LIN9: variants seen among roughly 807,000 people sequenced by gnomAD.
The protein encoded by LIN9 is protein lin-9 homolog.
LIN9 carries 18 observed loss-of-function variants against 78.0 expected under a neutral mutation model. The ratio of observed to expected loss-of-function variants is 0.23; its 90% CI spans 0.16 to 0.34. The LOEUF is 0.34. Ranked by LOEUF, LIN9 falls within the 10% of genes least tolerant of loss-of-function variation. The probability of loss-of-function intolerance (pLI) is 1.00; values close to 1 mark genes in which losing one functional copy is unlikely to be tolerated. For synonymous variants in LIN9, 192 were observed against 215.2 expected (o/e 0.89, Z 0.94); for missense variants, 451 against 644.1 (o/e 0.70, Z 3.25).
At chr1:226,303,787 A>C (rs988763727) in intron 1 of LIN9, among the ~76,000 whole-genome samples, 2 of 152,136 alleles carry the variant, frequency 1.3e-5, no homozygotes, top group African/African-American at 2.4e-5. Flanking sequence ...TTGTATTTTT[A>C]GTAGAGACAG....
chr1:226,283,539 T>C (rs759311337), intron 6 of LIN9, among the ~76,000 whole-genome samples: 1 of 152,124 alleles, frequency 6.6e-6, no homozygotes, highest in Non-Finnish European at 1.5e-5. Context: ...GATGGATATT[T>C]CTGTACTATC....
intron 12 of LIN9, among the ~76,000 whole-genome samples, chr1:226,237,050 T>C (rs930241160): frequency 6.6e-6 from 1 of 152,210 alleles, no homozygotes; most frequent in Admixed American, 6.5e-5. Flanking sequence ...CTCTGATATG[T>C]TCTTATTTTA....
intron 1 of LIN9, among the ~76,000 whole-genome samples, chr1:226,307,968 C>G (rs1165528369): frequency 6.6e-6 from 1 of 152,180 alleles, no homozygotes; most frequent in African/African-American, 2.4e-5. Context: ...GACTTTTCAC[C>G]AGCTTGGCAA....
At chr1:226,277,164 C>T (rs1024377534) in intron 7 of LIN9, among the ~76,000 whole-genome samples, 4 of 147,506 alleles carry the variant, frequency 2.7e-5, no homozygotes, top group African/African-American at 1.0e-4. Flanking sequence ...AGCCAAGATC[C>T]AGCCTAGGTG....
intron 11 of LIN9, among the ~76,000 whole-genome samples, chr1:226,242,331 T>C (rs1160492792): frequency 2.0e-5 from 3 of 152,234 alleles, no homozygotes; most frequent in Admixed American, 6.5e-5. Flanking sequence ...TTGTATATAG[T>C]AAAGCTGGCC....
chr1:226,251,477 C>T (rs1005632852), intron 10 of LIN9, among the ~76,000 whole-genome samples: 2 of 152,158 alleles, frequency 1.3e-5, no homozygotes, highest in African/African-American at 4.8e-5. Context: ...ATCCACTCAC[C>T]TTGGCCTCCC....
At chr1:226,308,486 A>G (rs971031977) in intron 1 of LIN9, among the ~76,000 whole-genome samples, 3 of 152,156 alleles carry the variant, frequency 2.0e-5, no homozygotes, top group Non-Finnish European at 4.4e-5. Context: ...TGATCTCAGG[A>G]AAGGTCCACA....
At chr1:226,283,992 G>A (rs1257637775) in intron 6 of LIN9, among the ~76,000 whole-genome samples, 1 of 151,620 alleles carries the variant, frequency 6.6e-6, no homozygotes, top group East Asian at 1.9e-4. Flanking sequence ...TCAAGATTAA[G>A]TAAAACTCTC....
chr1:226,263,721 T>C (rs1576309428), intron 10 of LIN9, among the ~76,000 whole-genome samples: 1 of 152,318 alleles, frequency 6.6e-6, no homozygotes, highest in East Asian at 1.9e-4. Flanking sequence ...ATATAAAATA[T>C]CCATCTGCCT....
chr1:226,265,507 G>T lies in LIN9; in HGVS notation c.1038+26C>A. ...AAGGCATTGAGTTTTTAAACAAACA[G>T]CCAAGATATTCAGAACAATTCTTAC... On this transcript the variant is annotated intron_variant, in intron 10 of 14. Coordinates refer to ENST00000681046, the MANE Select transcript of LIN9 (RefSeq NM_001366245.2). The surrounding 1 kb of genome is among the most constrained non-coding windows in gnomAD (Gnocchi z 4.1). 2 of 1,431,686 alleles carry T rather than the reference G, an allele frequency of 1.4e-6. No homozygotes were observed. Among genetic ancestry groups the T allele is most frequent in the South Asian group, 1.2e-5 (1 of 85,454 alleles). 88.7% of individuals were successfully genotyped at this position (1,431,686 alleles called of 1,614,324 possible).
intron 12 of LIN9, among the ~76,000 whole-genome samples, chr1:226,236,299 T>G (rs936043180): frequency 1.3e-5 from 2 of 151,198 alleles, no homozygotes; most frequent in Non-Finnish European, 2.9e-5. Flanking sequence ...AACCAGAATA[T>G]TACCAATGCC....
chr1:226,309,519 T>C (rs1235748234), upstream of LIN9: 2 of 1,167,038 alleles, frequency 1.7e-6, no homozygotes, highest in African/African-American at 3.3e-5. Context: ...AACTGCAGGC[T>C]GTTTGTTCCG....
At chr1:226,281,892 C>T (rs1314078413) in intron 6 of LIN9, among the ~76,000 whole-genome samples, 4 of 151,996 alleles carry the variant, frequency 2.6e-5, no homozygotes, top group Admixed American at 2.0e-4. Context: ...CGGGGTTTCA[C>T]CATATTGGCC....
At chr1:226,290,683 G>T (rs1661723390) in intron 4 of LIN9, among the ~76,000 whole-genome samples, 1 of 152,044 alleles carries the variant, frequency 6.6e-6, no homozygotes, top group South Asian at 2.1e-4. Flanking sequence ...CTAGATGGTT[G>T]GTTCTGTACT....
rs573452881 is a variant in LIN9, at chr1:226,250,146, G to T, written c.1119+693C>A. On this transcript the variant is annotated intron_variant, in intron 11 of 14. Coordinates refer to ENST00000681046, the MANE Select transcript of LIN9 (RefSeq NM_001366245.2). ...GATTGCACCATTGCACTCCAGCCTG[G>T]GCGACGAGCAAAATTCCATCTCAGA... Among the ~76,000 whole-genome samples the T allele has an allele frequency of 1.9e-3, 281 of 151,296 alleles. 2 individuals carry two copies. The highest frequency in any genetic ancestry group is 6.6e-3 in the African/African-American group (270 of 41,184).
At chr1:226,253,132 G>A (rs1362206001) in intron 10 of LIN9, among the ~76,000 whole-genome samples, 5 of 151,702 alleles carry the variant, frequency 3.3e-5, no homozygotes, top group Admixed American at 1.3e-4. Flanking sequence ...GTGTGGTGGC[G>A]CCCACCTGTA....
At chr1:226,293,996 G>A (rs755633724) in intron 4 of LIN9, among the ~76,000 whole-genome samples, 6 of 152,058 alleles carry the variant, frequency 3.9e-5, no homozygotes, top group Non-Finnish European at 5.9e-5. Context: ...TGCTGGTCAT[G>A]CTTTTAATTT....
At chr1:226,281,461 C>T (rs528371079) in intron 6 of LIN9, among the ~76,000 whole-genome samples, 36 of 151,982 alleles carry the variant, frequency 2.4e-4, no homozygotes, top group African/African-American at 8.4e-4. Context: ...TTTTTATTGA[C>T]TATTTCCACA....
intron 8 of LIN9, among the ~76,000 whole-genome samples, chr1:226,267,232 T>G (rs1198362218): frequency 1.4e-5 from 1 of 69,264 alleles, no homozygotes; most frequent in East Asian, 3.4e-4. Flanking sequence ...ACTAAGGAGA[T>G]ATATATATAT....
Sources: allele counts gnomAD v4.1 joint callset (sites outside exome capture counted in the v4.1 genomes callset), GRCh38; gene constraint gnomAD v4.1.1; non-coding constraint Gnocchi (gnomAD v3.1); transcripts MANE v1.5; gene names NCBI Gene and HGNC (gene_info 2026-07-23, HGNC 2026-07-21).